The following NEK10 variants were observed in gnomAD, a reference collection of about 807,000 sequenced individuals.
NEK10 encodes NIMA related kinase 10.
Under a neutral mutation model 159.8 loss-of-function variants are expected in NEK10, and 122 were observed. The ratio of observed to expected loss-of-function variants is 0.76; its 90% CI spans 0.66 to 0.89. The LOEUF is 0.89. NEK10 is among the 40% of genes least tolerant of loss of function. NEK10 has a pLI of 0.00. For missense variants in NEK10, 1,342 were observed against 1,323.1 expected, an observed-to-expected ratio of 1.01 and a Z score of -0.22; for synonymous variants, 466 against 457.1, an observed-to-expected ratio of 1.02 and a Z score of -0.25.
intron 25 of NEK10, among the ~76,000 whole-genome samples, chr3:27,193,648 CCAGCCATCATCT>C (rs1949317835): frequency 7.1e-6 from 1 of 139,948 alleles, no homozygotes. Flanking sequence ...CTTATCTTTC[CCAGCCATCATCT>C]CAGCCATCAT....
chr3:27,259,375 C>A (rs562803077), intron 22 of NEK10, among the ~76,000 whole-genome samples: 94 of 152,222 alleles, frequency 6.2e-4, no homozygotes, highest in African/African-American at 2.3e-3. Context: ...GTCTTTAATC[C>A]ACCTTGAATT....
At chr3:27,178,223 G>A (rs1947722626) in intron 26 of NEK10, among the ~76,000 whole-genome samples, 1 of 152,130 alleles carries the variant, frequency 6.6e-6, no homozygotes, top group African/African-American at 2.4e-5. Flanking sequence ...TACATTTTCA[G>A]TTGAATAGCA....
intron 13 of NEK10, among the ~76,000 whole-genome samples, chr3:27,300,155 C>G (rs2149530528): frequency 6.6e-6 from 1 of 152,292 alleles, no homozygotes; most frequent in Admixed American, 6.5e-5. Context: ...CCACAATTTT[C>G]ATGTGTCATG....
Position 27,312,125 on chromosome 3 carries a change from G to C in NEK10, c.542C>G (p.Thr181Ser). The C allele has an allele frequency of 6.2e-7, 1 of 1,612,600 alleles. No individual in the cohort carries two copies. The highest frequency in any genetic ancestry group is 8.5e-7 in the Non-Finnish European group (1 of 1,179,072). Residue 181 changes from threonine (T) to serine (S), a missense_variant, in exon 8 of 36, where the codon ACT becomes AGT. Coordinates refer to ENST00000691995, the MANE Select transcript of NEK10 (RefSeq NM_001394966.1). ...TGTCATGTTGACCAGCTTGTCCACAGTGTGCTGCTCTTCTCCATAGCCGAG... is the reference window on the plus strand; with the variant it reads ...TGTCATGTTGACCAGCTTGTCCACACTGTGCTGCTCTTCTCCATAGCCGAG... ...EYLGYGEEQH[T>S]VDKLVNMTYI...
At chr3:27,248,921 T>A (rs893901425) in intron 23 of NEK10, among the ~76,000 whole-genome samples, 1 of 152,202 alleles carries the variant, frequency 6.6e-6, no homozygotes, top group South Asian at 2.1e-4. Flanking sequence ...ATTTTCTATC[T>A]GGGAGGTCTG....
intron 26 of NEK10, among the ~76,000 whole-genome samples, chr3:27,176,522 G>C (rs1420957443): frequency 6.6e-6 from 1 of 152,132 alleles, no homozygotes; most frequent in Non-Finnish European, 1.5e-5. Context: ...CTCAACCCCT[G>C]ATACCAAATC....
At chr3:27,288,199 T>C (rs2042755058) in intron 19 of NEK10, among the ~76,000 whole-genome samples, 1 of 152,234 alleles carries the variant, frequency 6.6e-6, no homozygotes, top group African/African-American at 2.4e-5. Context: ...ATTTACACTA[T>C]TTCTGTCTTT....
At chr3:27,321,614 T>C (rs993545395) in intron 6 of NEK10, among the ~76,000 whole-genome samples, 1 of 152,096 alleles carries the variant, frequency 6.6e-6, no homozygotes, top group Non-Finnish European at 1.5e-5. Flanking sequence ...TGGAGAGTGC[T>C]AGGATTATAG....
intron 30 of NEK10, among the ~76,000 whole-genome samples, chr3:27,154,908 C>G (rs1421208205): frequency 6.6e-6 from 1 of 152,176 alleles, no homozygotes; most frequent in Non-Finnish European, 1.5e-5. Context: ...TGCCCACTCT[C>G]ACCACTACTC....
At chr3:27,317,584 A>C (rs146964730) in intron 6 of NEK10, among the ~76,000 whole-genome samples, 1 of 152,182 alleles carries the variant, frequency 6.6e-6, no homozygotes, top group East Asian at 1.9e-4. Context: ...GGTAAAAAGT[A>C]TGTTTTTAAG....
At position 27,202,468 on chromosome 3, in the gene NEK10, G is replaced by A; in HGVS notation, c.2180C>T (p.Pro727Leu). The A allele has an allele frequency of 1.2e-5, 19 of 1,613,688 alleles. No homozygotes were observed. The highest frequency in any genetic ancestry group is 1.7e-5 in the Admixed American group (1 of 59,970). The change falls in exon 24 of 36, where the codon CCC becomes CTC. Residue 727 changes from proline (P) to leucine (L), a missense_variant. Physicochemically the swap from Pro to Leu is moderately conservative, Grantham distance 98. Coordinates refer to ENST00000691995, the MANE Select transcript of NEK10 (RefSeq NM_001394966.1). ...CAGCATGTTAGTGCTGTAGAAGGGGGGACTCAAAGTCGCCATCTGATAAAG... is the reference window on the plus strand; with the variant it reads ...CAGCATGTTAGTGCTGTAGAAGGGGAGACTCAAAGTCGCCATCTGATAAAG... The part of the protein sequence containing the change: ...CILYQMATLS[P>L]PFYSTNMLSL...
rs748807117 is a variant in NEK10 at position 27,238,752 on chromosome 3, T to TGTGC, written c.2090+17543_2090+17544insGCAC. Among the ~76,000 whole-genome samples the TGTGC allele has an allele frequency of 6.8e-4, 68 of 99,760 alleles. 1 individual carries two copies. The highest frequency in any genetic ancestry group is 5.3e-3 in the Middle Eastern group (1 of 188). The allele number at this position is 99,760 out of a possible 152,430, so 65.4% of individuals were successfully genotyped here. On this transcript the variant is annotated intron_variant, in intron 23 of 35. Transcript: ENST00000691995. ...TCTAACCAACCTCCCCTTTCGTGTG[T>TGTGC]GTGTGTGTGTGTGTGTGTGTGTGTG... is the stretch of plus-strand genomic sequence containing the variant.
At chr3:27,303,335 A>T (rs887485572) in intron 12 of NEK10, among the ~76,000 whole-genome samples, 1 of 152,198 alleles carries the variant, frequency 6.6e-6, no homozygotes, top group Admixed American at 6.5e-5. Context: ...AATTCTGCTT[A>T]ACTATTACAG....
intron 1 of NEK10, among the ~76,000 whole-genome samples, chr3:27,363,168 T>G (rs1044942517): frequency 1.3e-5 from 2 of 152,128 alleles, no homozygotes; most frequent in African/African-American, 4.8e-5. Flanking sequence ...GCCACAGTGG[T>G]ATGGAAAGGC....
chr3:27,222,030 G>A (rs183641506), intron 23 of NEK10, among the ~76,000 whole-genome samples: 242 of 152,330 alleles, frequency 1.6e-3, no homozygotes, highest in Non-Finnish European at 2.5e-3. Context: ...GGAAGGGGAA[G>A]TAGGATGAAG....
chr3:27,308,011 T>C (rs1025305451), intron 10 of NEK10, 66 bp from the exon 11 acceptor site: 3 of 787,160 alleles, frequency 3.8e-6, no homozygotes, highest in Non-Finnish European at 6.7e-6. Context: ...ATTAGTCCTT[T>C]TTCAAACTGG....
At chr3:27,127,216 A>T (rs933549892) in intron 32 of NEK10, among the ~76,000 whole-genome samples, 6 of 152,138 alleles carry the variant, frequency 3.9e-5, no homozygotes, top group Non-Finnish European at 7.4e-5. Context: ...TGTACAACAT[A>T]TCATACTATC....
At chr3:27,333,819 T>G (rs1452415873) in intron 5 of NEK10, among the ~76,000 whole-genome samples, 2 of 151,306 alleles carry the variant, frequency 1.3e-5, no homozygotes, top group Non-Finnish European at 2.9e-5. Context: ...AGAGAAGAGC[T>G]GGCTGTTGAC....
rs758311602 is a variant in NEK10 at position 27,192,074 on chromosome 3, G to A, written c.2460C>T (p.Asn820=). The A allele has an allele frequency of 3.7e-6, 6 of 1,614,064 alleles. No individual in the cohort carries two copies. Among genetic ancestry groups the A allele is most frequent in the Non-Finnish European group, 5.1e-6 (6 of 1,180,032 alleles). ...RRTQRYFMEA[N]RNTVTCHHEL... ...CATGGTGACATGTGACGGTGTTCCG[G>A]TTGGCTTCCATAAAATACCTTTGTG... Residue 820 remains asparagine (N), a synonymous_variant, in exon 26 of 36, where the codon AAC becomes AAT. Transcript: ENST00000691995.
Sources: allele counts gnomAD v4.1 joint callset (sites outside exome capture counted in the v4.1 genomes callset), GRCh38; gene constraint gnomAD v4.1.1; transcripts MANE v1.5; gene names NCBI Gene and HGNC (gene_info 2026-07-23, HGNC 2026-07-21).